The following PDE7A variants were observed in gnomAD, a reference collection of about 807,000 sequenced individuals.
The protein encoded by PDE7A is phosphodiesterase 7A.
A neutral mutation model predicts 64.3 loss-of-function variants in PDE7A; 39 were observed. That is an observed-to-expected ratio of 0.61 (90% CI 0.47 to 0.79). The LOEUF (loss-of-function observed/expected upper bound fraction) is 0.79, where lower values mean the gene tolerates loss of function less well. Ranked by LOEUF, PDE7A falls within the 30% of genes least tolerant of loss-of-function variation. The probability of loss-of-function intolerance (pLI) is 0.00; values close to 1 mark genes in which losing one functional copy is unlikely to be tolerated. For missense variants in PDE7A, 470 were observed against 582.8 expected (o/e 0.81, Z 1.99); for synonymous variants, 203 against 206.8 (o/e 0.98, Z 0.16).
rs138290438 is a variant in PDE7A, at chr8:65,823,596, C to A, written c.138+17775G>T. 1.7e-3 allele frequency among the ~76,000 whole-genome samples: 265 copies of A among 152,206 alleles called. 2 individuals carry two copies. Among genetic ancestry groups the A allele is most frequent in the African/African-American group, 6.1e-3 (254 of 41,520 alleles). ...CTTCTGTAGTACATTCAGTTACACG[C>A]ATAAAAATTTTTCCCTCCCATTCCA... On this transcript the variant is annotated intron_variant, in intron 1 of 12. Coordinates refer to ENST00000401827, the MANE Select transcript of PDE7A (RefSeq NM_001242318.3).
At chr8:65,787,103 T>C (rs893811477) in intron 1 of PDE7A, among the ~76,000 whole-genome samples, 1 of 152,254 alleles carries the variant, frequency 6.6e-6, no homozygotes, top group African/African-American at 2.4e-5. Context: ...ATTTTAAGTG[T>C]CATTGTTTTT....
At chr8:65,747,872 A>G in intron 3 of PDE7A, 69 bp from the exon 4 acceptor site, 1 of 888,804 alleles carries the variant, frequency 1.1e-6, no homozygotes. Context: ...TTGCAATACC[A>G]CTTTTAGTTA....
At chr8:65,812,999 T>A (rs940635225) in intron 1 of PDE7A, among the ~76,000 whole-genome samples, 5 of 152,198 alleles carry the variant, frequency 3.3e-5, no homozygotes, top group Non-Finnish European at 4.4e-5. Context: ...GGACTGTCCC[T>A]ACACTTGCTC....
At chr8:65,801,630 T>C (rs1163468592) in intron 1 of PDE7A, among the ~76,000 whole-genome samples, 1 of 151,988 alleles carries the variant, frequency 6.6e-6, no homozygotes, top group African/African-American at 2.4e-5. Flanking sequence ...GAATCAAAAA[T>C]AAGTAAATAA....
intron 1 of PDE7A, among the ~76,000 whole-genome samples, chr8:65,803,122 A>C (rs1321359559): frequency 1.3e-5 from 2 of 152,174 alleles, no homozygotes; most frequent in Admixed American, 6.5e-5. Flanking sequence ...TTTCTTTATA[A>C]ATTACTCAGA....
At chr8:65,803,410 A>G (rs757676963) in intron 1 of PDE7A, among the ~76,000 whole-genome samples, 24 of 152,256 alleles carry the variant, frequency 1.6e-4, no homozygotes, top group Non-Finnish European at 3.2e-4. Flanking sequence ...AGTTCTGGCT[A>G]GCCAGCACTC....
intron 5 of PDE7A, among the ~76,000 whole-genome samples, chr8:65,742,060 A>G (rs975318059): frequency 2.6e-5 from 4 of 152,278 alleles, no homozygotes; most frequent in African/African-American, 9.6e-5. Flanking sequence ...ACAAGTCAAC[A>G]AAATATTTCA....
chr8:65,739,671 G>C, intron 5 of PDE7A, 74 bp from the exon 6 acceptor site: 1 of 1,282,670 alleles, frequency 7.8e-7, no homozygotes, highest in East Asian at 3.0e-5. Flanking sequence ...TTGAAATACA[G>C]ATTTTGAATA....
At position 65,719,067 on chromosome 8, in the gene PDE7A, G is replaced by A. The variant is rs1806265264; in HGVS notation, c.*223C>T. Reference sequence around the variant, plus strand: ...CTCCTGCTGGGCTTTGCATATTCAAGGTTTCACATGAAAGCCAAATTCATA... The same window carrying A: ...CTCCTGCTGGGCTTTGCATATTCAAAGTTTCACATGAAAGCCAAATTCATA... On this transcript the variant is annotated 3_prime_UTR_variant, in exon 13 of 13. Transcript: ENST00000401827. The A allele has an allele frequency of 3.6e-6, 2 of 561,088 alleles. No individual in the cohort carries two copies. The highest frequency in any genetic ancestry group is 6.4e-6 in the Non-Finnish European group (2 of 313,776). The allele number at this position is 561,088 out of a possible 1,614,324, so 34.8% of individuals were successfully genotyped here.
chr8:65,787,244 T>C (rs1809583138), intron 1 of PDE7A, among the ~76,000 whole-genome samples: 2 of 152,204 alleles, frequency 1.3e-5, no homozygotes, highest in Admixed American at 6.5e-5. Context: ...TTCCAAGTGT[T>C]TTCGCACAAA....
rs1009368727 is a variant in PDE7A, at chr8:65,779,974, C to T, written c.200-171G>A. 2.0e-5 allele frequency among the ~76,000 whole-genome samples: 3 copies of T among 152,220 alleles called. No homozygotes were observed. The East Asian group carries it at 5.8e-4, about 29-fold the overall frequency. Reference sequence around the variant, plus strand: ...TTATTCAAAAGGGTTCACAAAATCTCAGTAATTAATTGTAAGGCTGAATGA... The same window carrying T: ...TTATTCAAAAGGGTTCACAAAATCTTAGTAATTAATTGTAAGGCTGAATGA... On this transcript the variant is annotated intron_variant, in intron 2 of 12. Coordinates refer to ENST00000401827, the MANE Select transcript of PDE7A (RefSeq NM_001242318.3).
intron 3 of PDE7A, among the ~76,000 whole-genome samples, chr8:65,764,440 T>C (rs953928893): frequency 6.6e-6 from 1 of 152,202 alleles, no homozygotes; most frequent in African/African-American, 2.4e-5. Flanking sequence ...AAACAGATAA[T>C]GGTTGGAAAA....
intron 5 of PDE7A, among the ~76,000 whole-genome samples, chr8:65,745,181 A>C (rs1807617942): frequency 6.6e-6 from 1 of 152,198 alleles, no homozygotes; most frequent in South Asian, 2.1e-4. Context: ...CATGATTGTG[A>C]GGCCTCCCCA....
At chr8:65,779,834 T>G in intron 2 of PDE7A, 31 bp from the exon 3 acceptor site, 1 of 1,398,156 alleles carries the variant, frequency 7.2e-7, no homozygotes, top group Non-Finnish European at 1.0e-6. Flanking sequence ...AACATAAGTT[T>G]AGAAGGTTGT....
intron 1 of PDE7A, among the ~76,000 whole-genome samples, chr8:65,821,732 A>G (rs1217704658): frequency 6.6e-6 from 1 of 152,266 alleles, no homozygotes; most frequent in East Asian, 1.9e-4. Context: ...CCAGTAGACA[A>G]TACACACTGA....
chr8:65,745,587 C>T (rs1807637993), intron 4 of PDE7A, 117 bp from the exon 5 acceptor site: 5 of 615,476 alleles, frequency 8.1e-6, no homozygotes, highest in Non-Finnish European at 1.4e-5. Context: ...TTAAAAAATA[C>T]AAGTATCATT....
chr8:65,816,629 C>G (rs530100615), intron 1 of PDE7A, among the ~76,000 whole-genome samples: 1 of 152,308 alleles, frequency 6.6e-6, no homozygotes, highest in African/African-American at 2.4e-5. Flanking sequence ...GACTTCTTCA[C>G]AGACAGTTTT....
chr8:65,812,724 A>G (rs1810285744), intron 1 of PDE7A, among the ~76,000 whole-genome samples: 1 of 152,226 alleles, frequency 6.6e-6, no homozygotes, highest in Non-Finnish European at 1.5e-5. Flanking sequence ...CCAGATACGT[A>G]TTTTTGAAAA....
rs999493653 is a variant in PDE7A at position 65,776,870 on chromosome 8, G to T, written c.283+2850C>A. Among the ~76,000 whole-genome samples the T allele has an allele frequency of 3.9e-5, 6 of 151,920 alleles. No homozygotes were observed. In the East Asian group the frequency reaches 9.7e-4, roughly 24 times the overall value. On this transcript the variant is annotated intron_variant, in intron 3 of 12. Transcript: ENST00000401827. Reference sequence around the variant, plus strand: ...TTCTTTTTCTTGCATTACTATACTGGCCAGAACCTCTGAAACAATACTGAA... The same window carrying T: ...TTCTTTTTCTTGCATTACTATACTGTCCAGAACCTCTGAAACAATACTGAA...
Sources: allele counts gnomAD v4.1 joint callset (sites outside exome capture counted in the v4.1 genomes callset), GRCh38; gene constraint gnomAD v4.1.1; transcripts MANE v1.5; gene names NCBI Gene and HGNC (gene_info 2026-07-23, HGNC 2026-07-21).